Variants in OR6N1 observed in about 807,000 individuals in gnomAD.
OR6N1 encodes the protein olfactory receptor 6N1.
For synonymous variants in OR6N1, 170 were observed against 150.7 expected (o/e 1.13, Z -0.94); for missense variants, 394 against 371.7 (o/e 1.06, Z -0.49).
At chr1:158,799,979 T>C in the OR6N1 span, among the ~76,000 whole-genome samples, 1 of 150,580 alleles carries the variant, frequency 6.6e-6, no homozygotes, top group African/African-American at 2.4e-5. Context: ...TCAGATAAAA[T>C]GGAAAAAAAA....
the OR6N1 span, among the ~76,000 whole-genome samples, chr1:158,820,605 C>G: frequency 4.6e-4 from 70 of 152,298 alleles, no homozygotes; most frequent in South Asian, 0.01. Context: ...AGACATGACT[C>G]CTAAATCCAT....
the OR6N1 span, chr1:158,809,193 A>G: frequency 6.5e-6 from 1 of 153,062 alleles, no homozygotes; most frequent in South Asian, 2.1e-4. Flanking sequence ...TAACTGTACC[A>G]GGACAATGAT....
chr1:158,831,152 T>G, the OR6N1 span, among the ~76,000 whole-genome samples: 1 of 152,202 alleles, frequency 6.6e-6, no homozygotes. Context: ...GAAACTCCTT[T>G]CAGCAAGTAT....
chr1:158,827,478 T>A, the OR6N1 span, among the ~76,000 whole-genome samples: 1 of 152,184 alleles, frequency 6.6e-6, no homozygotes, highest in East Asian at 1.9e-4. Context: ...AATATTTTGA[T>A]AACTAATACT....
the OR6N1 span, among the ~76,000 whole-genome samples, chr1:158,800,831 C>CT: frequency 6.6e-6 from 1 of 152,126 alleles, no homozygotes; most frequent in East Asian, 1.9e-4. Context: ...AATAAGTTTT[C>CT]TTTTTGTATC....
the OR6N1 span, among the ~76,000 whole-genome samples, chr1:158,833,349 A>G: frequency 1.3e-5 from 2 of 152,210 alleles, no homozygotes; most frequent in Non-Finnish European, 2.9e-5. Context: ...GTAACATAAA[A>G]TGTGTCATCT....
chr1:158,839,494 C>A, the OR6N1 span, among the ~76,000 whole-genome samples: 1 of 152,188 alleles, frequency 6.6e-6, no homozygotes, highest in Non-Finnish European at 1.5e-5. Flanking sequence ...CCCACCACTA[C>A]TTTTTGCAGC....
chr1:158,807,718 C>A, the OR6N1 span, among the ~76,000 whole-genome samples: 1 of 152,206 alleles, frequency 6.6e-6, no homozygotes, highest in Non-Finnish European at 1.5e-5. Context: ...CTTAACCTTT[C>A]TCCAAGAATC....
chr1:158,839,923 T>A, the OR6N1 span, among the ~76,000 whole-genome samples: 1 of 152,196 alleles, frequency 6.6e-6, no homozygotes, highest in Non-Finnish European at 1.5e-5. Flanking sequence ...AAGAGAACAA[T>A]TTTTTAAACC....
the OR6N1 span, among the ~76,000 whole-genome samples, chr1:158,834,434 T>C: frequency 4.3e-4 from 66 of 152,152 alleles, 1 homozygote; most frequent in African/African-American, 1.5e-3. Flanking sequence ...GGTTTCACCG[T>C]GTTTATCAAT....
At chr1:158,782,784 A>G in the OR6N1 span, among the ~76,000 whole-genome samples, 2 of 151,058 alleles carry the variant, frequency 1.3e-5, no homozygotes, top group South Asian at 4.4e-4. Context: ...GTACAGTGTT[A>G]TACGTAATTA....
At chr1:158,774,407 T>C (rs953664906), upstream of OR6N1, 14 of 151,996 alleles carry the variant, frequency 9.2e-5, no homozygotes, top group Admixed American at 9.2e-4. Context: ...CATGCAGCAA[T>C]GAGAAACAGA....
At chr1:158,838,049 C>T in the OR6N1 span, among the ~76,000 whole-genome samples, 225 of 151,852 alleles carry the variant, frequency 1.5e-3, 1 homozygote, top group Non-Finnish European at 2.8e-3. Context: ...ATAATATGTA[C>T]CAATTAACAT....
chr1:158,828,112 G>C, the OR6N1 span, among the ~76,000 whole-genome samples: 1 of 152,110 alleles, frequency 6.6e-6, no homozygotes, highest in South Asian at 2.1e-4. Flanking sequence ...CCCTCAACAT[G>C]TGGGAATTGT....
the OR6N1 span, among the ~76,000 whole-genome samples, chr1:158,799,280 TAA>T: frequency 6.6e-6 from 1 of 152,158 alleles, no homozygotes; most frequent in African/African-American, 2.4e-5. Flanking sequence ...AACGTACCCA[TAA>T]AATATTGGCA....
At chr1:158,816,734 A>G in the OR6N1 span, among the ~76,000 whole-genome samples, 1 of 152,176 alleles carries the variant, frequency 6.6e-6, no homozygotes. Context: ...TTACATAACC[A>G]AAAAGTGGCA....
the OR6N1 span, among the ~76,000 whole-genome samples, chr1:158,835,981 T>C: frequency 6.6e-6 from 1 of 151,988 alleles, no homozygotes; most frequent in African/African-American, 2.4e-5. Context: ...TTTTTCCTCA[T>C]CTTTCAGGAA....
the OR6N1 span, among the ~76,000 whole-genome samples, chr1:158,813,697 CTTTTTTTT>C: frequency 1.3e-5 from 1 of 78,614 alleles, no homozygotes; most frequent in African/African-American, 5.1e-5. Context: ...TATGTATGGT[CTTTTTTTT>C]TTTTTTTTTT....
At chr1:158,776,926 G>A, upstream of OR6N1, 2 of 1,613,794 alleles carry the variant, frequency 1.2e-6, no homozygotes, top group Non-Finnish European at 1.7e-6. Context: ...GGTAGAAAAG[G>A]CCTTCTTTCT....
Sources: allele counts gnomAD v4.1 joint callset (sites outside exome capture counted in the v4.1 genomes callset), GRCh38; gene constraint gnomAD v4.1.1; transcripts MANE v1.5; gene names NCBI Gene and HGNC (gene_info 2026-07-23, HGNC 2026-07-21).